IL1RAPL2: variants seen among roughly 807,000 people sequenced by gnomAD.
IL1RAPL2 encodes X-linked interleukin-1 receptor accessory protein-like 2.
IL1RAPL2 carries 3 observed loss-of-function variants against 44.1 expected under a neutral mutation model. The ratio of observed to expected loss-of-function variants is 0.07; its 90% CI spans 0.03 to 0.18. The LOEUF is 0.18. Among genes scored for constraint, IL1RAPL2 ranks in the 10% least tolerant of loss-of-function variants. The pLI, the probability that IL1RAPL2 is intolerant of heterozygous loss-of-function variation, is 1.00. For synonymous variants in IL1RAPL2, 181 were observed against 178.8 expected, an observed-to-expected ratio of 1.01 and a Z score of -0.10; for missense variants, 391 against 496.4, an observed-to-expected ratio of 0.79 and a Z score of 2.02.
At chrX:105,333,961 G>T (rs908904057) in intron 5 of IL1RAPL2, among the ~76,000 whole-genome samples, 5 of 111,539 alleles carry the variant, frequency 4.5e-5, no homozygotes, top group Non-Finnish European at 7.6e-5. Context: ...AGTCCAATTT[G>T]GAAGCTCCTA....
intron 5 of IL1RAPL2, among the ~76,000 whole-genome samples, chrX:105,336,943 G>A (rs996515593): frequency 9.9e-5 from 11 of 111,367 alleles, no homozygotes; most frequent in African/African-American, 3.6e-4. Flanking sequence ...TGCTTTCATA[G>A]CCTACTAATT....
At chrX:105,031,901 G>A (rs902221506) in intron 2 of IL1RAPL2, among the ~76,000 whole-genome samples, 14 of 111,141 alleles carry the variant, frequency 1.3e-4, no homozygotes, top group East Asian at 2.8e-4. Flanking sequence ...CCACAATTTC[G>A]GAGCCTGTTA....
At chrX:105,696,253 C>T in intron 6 of IL1RAPL2, among the ~76,000 whole-genome samples, 1 of 111,884 alleles carries the variant, frequency 8.9e-6, no homozygotes, top group South Asian at 3.8e-4. Context: ...AATTTTGAGA[C>T]ATGTGGCGCT....
intron 6 of IL1RAPL2, among the ~76,000 whole-genome samples, chrX:105,667,948 T>A (rs2147851128): frequency 9.1e-6 from 1 of 110,177 alleles, no homozygotes; most frequent in Admixed American, 9.7e-5. Flanking sequence ...TTTCCTATAA[T>A]AACATATATG....
intron 2 of IL1RAPL2, among the ~76,000 whole-genome samples, chrX:104,708,967 T>G (rs1422368156): frequency 9.0e-6 from 1 of 111,438 alleles, no homozygotes. Context: ...TACTGAAAAT[T>G]AAAAATTTGT....
chrX:105,730,203 G>A (rs1264578173), intron 7 of IL1RAPL2, among the ~76,000 whole-genome samples: 2 of 110,752 alleles, frequency 1.8e-5, no homozygotes, highest in Non-Finnish European at 3.8e-5. Context: ...TGAACAGTAA[G>A]CAAAAGTGGC....
intron 2 of IL1RAPL2, among the ~76,000 whole-genome samples, chrX:104,944,545 T>C (rs1412605193): frequency 4.5e-5 from 5 of 111,754 alleles, no homozygotes; most frequent in Non-Finnish European, 7.5e-5. Flanking sequence ...GACTCTTCTA[T>C]TTAAATTGTC....
chrX:105,019,824 T>A (rs1301162795), intron 2 of IL1RAPL2, among the ~76,000 whole-genome samples: 4 of 111,353 alleles, frequency 3.6e-5, no homozygotes, highest in African/African-American at 9.8e-5. Flanking sequence ...AACTCATATA[T>A]AAAATTCATA....
intron 2 of IL1RAPL2, among the ~76,000 whole-genome samples, chrX:104,761,866 TCTC>T (rs1293320511): frequency 9.8e-5 from 4 of 40,825 alleles, no homozygotes; most frequent in African/African-American, 3.4e-4. Context: ...TCCTTCTCCT[TCTC>T]CTTCTCCTTC....
chrX:104,581,832 CTTTTTCTTTCAGATAAAAAT>C (rs971883333), intron 1 of IL1RAPL2, among the ~76,000 whole-genome samples: 15 of 110,863 alleles, frequency 1.4e-4, no homozygotes, highest in African/African-American at 4.9e-4. Context: ...CTTGGCCCAG[CTTTTTCTTTCAGATAAAAAT>C]TTTTTCTTTC....
At chrX:104,914,037 A>G (rs1331335630) in intron 2 of IL1RAPL2, among the ~76,000 whole-genome samples, 1 of 111,767 alleles carries the variant, frequency 8.9e-6, no homozygotes, top group African/African-American at 3.3e-5. Flanking sequence ...CATAAGAACC[A>G]GAGCAGCGTT....
chrX:104,593,376 G>A (rs1420024323), intron 1 of IL1RAPL2, among the ~76,000 whole-genome samples: 3 of 111,951 alleles, frequency 2.7e-5, no homozygotes, highest in African/African-American at 9.7e-5. Flanking sequence ...AGAAACCATT[G>A]CTAGAAAGAG....
intron 2 of IL1RAPL2, among the ~76,000 whole-genome samples, chrX:104,870,472 C>T (rs1426268826): frequency 2.7e-5 from 3 of 112,417 alleles, no homozygotes; most frequent in Non-Finnish European, 5.6e-5. Context: ...AAAGTAGATA[C>T]TAGGAATTTA....
rs752986449 is a variant in IL1RAPL2 at position 105,117,335 on chromosome X, G to A, written c.83-78140G>A. ...GTTTTGGGTTTTTGACTTTTTTGGG[G>A]AAAATGTCTCTAAAACATTGTTTTC... On this transcript the variant is annotated intron_variant, in intron 2 of 10. Transcript: ENST00000372582. Among the ~76,000 whole-genome samples, 6 of 111,784 alleles carry A rather than the reference G, an allele frequency of 5.4e-5. No homozygotes were observed. In the South Asian group the frequency reaches 2.3e-3, roughly 42 times the overall value.
intron 6 of IL1RAPL2, among the ~76,000 whole-genome samples, chrX:105,708,100 T>C (rs2083720895): frequency 1.8e-5 from 2 of 111,657 alleles, no homozygotes; most frequent in South Asian, 7.6e-4. Context: ...ATCAGTAATA[T>C]GTGGACAGCT....
chrX:104,993,096 G>T (rs749278385), intron 2 of IL1RAPL2, among the ~76,000 whole-genome samples: 1 of 111,374 alleles, frequency 9.0e-6, no homozygotes, highest in Non-Finnish European at 1.9e-5. Flanking sequence ...ATTGCCTAAT[G>T]CTAGTTGACC....
intron 2 of IL1RAPL2, among the ~76,000 whole-genome samples, chrX:105,091,979 A>T (rs1341588565): frequency 2.7e-5 from 3 of 112,328 alleles, no homozygotes; most frequent in Non-Finnish European, 5.6e-5. Context: ...GTGTTTTGTA[A>T]ACCATACACA....
At chrX:105,644,853 A>T (rs1372584198) in intron 6 of IL1RAPL2, among the ~76,000 whole-genome samples, 1 of 111,081 alleles carries the variant, frequency 9.0e-6, no homozygotes, top group Non-Finnish European at 1.9e-5. Context: ...GAGTGAGAAC[A>T]TGCAGCGTTT....
At chrX:105,219,880 G>A in intron 3 of IL1RAPL2, 1 of 1,079,306 alleles carries the variant, frequency 9.3e-7, no homozygotes, top group African/African-American at 1.8e-5. Context: ...GCAGGGTGGA[G>A]AGGGGTGGGA....
Sources: allele counts gnomAD v4.1 joint callset (sites outside exome capture counted in the v4.1 genomes callset), GRCh38; gene constraint gnomAD v4.1.1; transcripts MANE v1.5; gene names NCBI Gene and HGNC (gene_info 2026-07-23, HGNC 2026-07-21).